KDM1B: variants seen among roughly 807,000 people sequenced by gnomAD.
KDM1B encodes the protein lysine demethylase 1B.
KDM1B carries 63 observed loss-of-function variants against 107.4 expected under a neutral mutation model. That is an observed-to-expected ratio of 0.59 (90% CI 0.48 to 0.72). The LOEUF (loss-of-function observed/expected upper bound fraction) is 0.72, where lower values mean the gene tolerates loss of function less well. KDM1B is among the 30% of genes least tolerant of loss of function. KDM1B has a pLI of 0.00. For missense variants in KDM1B, 749 were observed against 1,020.8 expected, an observed-to-expected ratio of 0.73 and a Z score of 3.63; for synonymous variants, 363 against 363.9, an observed-to-expected ratio of 1.00 and a Z score of 0.03.
At chr6:18,202,157 T>G (rs1788074414) in intron 14 of KDM1B, among the ~76,000 whole-genome samples, 1 of 151,370 alleles carries the variant, frequency 6.6e-6, no homozygotes. Flanking sequence ...TCCGAACATT[T>G]GGGAGGTCAA....
intron 7 of KDM1B, among the ~76,000 whole-genome samples, chr6:18,183,514 C>T (rs1786629961): frequency 6.6e-6 from 1 of 151,916 alleles, no homozygotes; most frequent in South Asian, 2.1e-4. Context: ...CCCACCTCGG[C>T]CTCCCAAAAT....
chr6:18,174,842 A>G (rs1348141151), intron 7 of KDM1B, among the ~76,000 whole-genome samples: 1 of 152,168 alleles, frequency 6.6e-6, no homozygotes, highest in Non-Finnish European at 1.5e-5. Context: ...ATGTGTATGT[A>G]TGTATGTACA....
At chr6:18,210,316 TTCTTTCTTTTTTTTC>T (rs1788733307) in intron 17 of KDM1B, among the ~76,000 whole-genome samples, 1 of 140,896 alleles carries the variant, frequency 7.1e-6, no homozygotes, top group African/African-American at 2.5e-5. Context: ...CCCAAGGCTT[TTCTTTCTTTTTTTTC>T]TCTTTCTTTT....
chr6:18,196,909 C>A, intron 10 of KDM1B, 148 bp from the exon 11 acceptor site: 1 of 701,052 alleles, frequency 1.4e-6, no homozygotes, highest in Non-Finnish European at 2.4e-6. Context: ...CCAGGGAGGA[C>A]TGTACCTGTT....
chr6:18,166,242 T>C (rs1785285130), intron 5 of KDM1B, 25 bp from the exon 6 acceptor site: 1 of 1,061,452 alleles, frequency 9.4e-7, no homozygotes, highest in Non-Finnish European at 1.5e-6. Context: ...TATTAATCGA[T>C]ATATTAATTT....
At chr6:18,169,770 G>A (rs1445334236) in intron 6 of KDM1B, among the ~76,000 whole-genome samples, 1 of 151,922 alleles carries the variant, frequency 6.6e-6, no homozygotes, top group African/African-American at 2.4e-5. Context: ...GAGTGCTTAC[G>A]TTTAGGTATT....
intron 10 of KDM1B, among the ~76,000 whole-genome samples, chr6:18,193,333 T>G: frequency 7.3e-6 from 1 of 137,884 alleles, no homozygotes; most frequent in Admixed American, 7.7e-5. Flanking sequence ...AGACACAGAC[T>G]TGTTCTGTTG....
rs1365564690 is a variant in KDM1B, at chr6:18,213,502, AAAG to A, written c.1984-153_1984-151del. ...CAACCAAGGAGTTCACAGGGGGAAAAAAGGAGGTGAGGAGAATGGAAAGAGCGG... is the reference window on the plus strand; with the variant it reads ...CAACCAAGGAGTTCACAGGGGGAAAAGAGGTGAGGAGAATGGAAAGAGCGG... On this transcript the variant is annotated intron_variant, in intron 18 of 21. Transcript: ENST00000650836. The surrounding 1 kb of genome is among the most constrained non-coding windows in gnomAD (Gnocchi z 5.9). Among the ~76,000 whole-genome samples the A allele has an allele frequency of 1.3e-5, 2 of 152,060 alleles. No homozygotes were observed. Among genetic ancestry groups the A allele is most frequent in the Non-Finnish European group, 2.9e-5 (2 of 68,000 alleles).
chr6:18,220,238 T>C (rs1470978735), intron 21 of KDM1B, among the ~76,000 whole-genome samples: 1 of 152,240 alleles, frequency 6.6e-6, no homozygotes, highest in Non-Finnish European at 1.5e-5. Flanking sequence ...ATCTAAAATA[T>C]AGTTACCGTT....
intron 15 of KDM1B, among the ~76,000 whole-genome samples, chr6:18,206,225 A>G (rs1788360902): frequency 6.6e-6 from 1 of 151,498 alleles, no homozygotes; most frequent in Non-Finnish European, 1.5e-5. Context: ...ACGTAAAAAC[A>G]AAGGAAGAGG....
rs1789784117 is a variant in KDM1B, at chr6:18,221,912, A to T, written c.2389A>T (p.Thr797Ser). The T allele has an allele frequency of 6.2e-7, 1 of 1,600,430 alleles. No homozygotes were observed. The highest frequency in any genetic ancestry group is 1.3e-5 in the African/African-American group (1 of 74,326). ...ATTATGTAATTATGTTTTACAGGCA[A>T]CAAACAGGCATTTCCCACAAACTGT... ...QGTVFFAGEATNRHFPQTVTG... is the reference protein window; with the variant it reads ...QGTVFFAGEASNRHFPQTVTG... Residue 797 changes from threonine to serine, a missense_variant, in exon 22 of 22, where the codon ACA becomes TCA. Physicochemically the swap from Thr to Ser is moderately conservative, Grantham distance 58 (BLOSUM62 1). Transcript: ENST00000650836.
rs77905969 is a variant in KDM1B at position 18,180,187 on chromosome 6, G to A, written c.535-5585G>A. Among the ~76,000 whole-genome samples the A allele has an allele frequency of 2.4e-3, 361 of 152,038 alleles. 2 individuals carry two copies. The highest frequency in any genetic ancestry group is 7.8e-3 in the African/African-American group (322 of 41,460). On this transcript the variant is annotated intron_variant, in intron 7 of 21. Transcript: ENST00000650836. ...AATGGGAAGGAGCTGACATGAGGGC[G>A]TGGGCAGTTCATTTCCAGGCTGCGT...
intron 7 of KDM1B, among the ~76,000 whole-genome samples, chr6:18,176,571 G>C (rs1252647494): frequency 1.3e-5 from 2 of 152,144 alleles, no homozygotes; most frequent in East Asian, 3.8e-4. Context: ...TCCCCATTCA[G>C]TATTATGTTG....
At position 18,186,304 on chromosome 6, in the gene KDM1B, C is replaced by T. The variant is rs1786847433; in HGVS notation, c.573+494C>T. ...TACTTCCAGCTGGCAAAGCTGGTCA[C>T]ATTTCCTCTGTTTTCATAAGACTTT... On this transcript the variant is annotated intron_variant, in intron 8 of 21. Transcript: ENST00000650836. This position sits in a 1 kb window ranked among gnomAD's most constrained non-coding sequence, Gnocchi z 5.6. 6.6e-6 allele frequency among the ~76,000 whole-genome samples: 1 copy of T among 152,202 alleles called. No individual in the cohort carries two copies. Among genetic ancestry groups the T allele is most frequent in the African/African-American group, 2.4e-5 (1 of 41,448 alleles).
intron 6 of KDM1B, among the ~76,000 whole-genome samples, chr6:18,166,808 T>G (rs1465669240): frequency 6.6e-6 from 1 of 150,604 alleles, no homozygotes; most frequent in East Asian, 1.9e-4. Flanking sequence ...GAGCTATGAT[T>G]ACACCACTAC....
intron 15 of KDM1B, among the ~76,000 whole-genome samples, chr6:18,206,679 C>G (rs1430969663): frequency 6.6e-6 from 1 of 152,054 alleles, no homozygotes; most frequent in Non-Finnish European, 1.5e-5. Context: ...CCTGCCTCGG[C>G]CTCCCAAAAT....
intron 21 of KDM1B, among the ~76,000 whole-genome samples, chr6:18,220,418 G>A (rs148890340): frequency 0.03 from 4,573 of 152,100 alleles, 216 homozygotes; most frequent in African/African-American, 0.1. Context: ...GCATGGTGGC[G>A]GGCGCCTGTA....
At chr6:18,198,064 T>G (rs169968) in intron 12 of KDM1B, among the ~76,000 whole-genome samples, 11,107 of 151,728 alleles carry the variant, frequency 0.073, 483 homozygotes, top group South Asian at 0.22. Flanking sequence ...GCCCAGCGAA[T>G]TTTTGTATTT....
rs1194423599 is a variant in KDM1B, at chr6:18,186,373, C to T, written c.573+563C>T. The stretch of plus-strand genomic sequence containing the variant: ...CTTCAGTGTACCATGTAACCAGATT[C>T]GGTGACTGTTTCAGAAAAGAGGTTT... On this transcript the variant is annotated intron_variant, in intron 8 of 21. Coordinates refer to ENST00000650836, the MANE Select transcript of KDM1B (RefSeq NM_001364614.2). This position sits in a 1 kb window ranked among gnomAD's most constrained non-coding sequence, Gnocchi z 5.6. Among the ~76,000 whole-genome samples, 3 of 152,152 alleles carry T rather than the reference C, an allele frequency of 2.0e-5. No homozygotes were observed. Among genetic ancestry groups the T allele is most frequent in the Non-Finnish European group, 2.9e-5 (2 of 68,028 alleles).
Sources: gnomAD v4.1 joint callset for allele counts (sites outside exome capture counted in the v4.1 genomes callset) on GRCh38, gnomAD v4.1.1 for gene constraint, Gnocchi (gnomAD v3.1) non-coding constraint, MANE v1.5 for transcripts, NCBI Gene and HGNC (gene_info 2026-07-23, HGNC 2026-07-21) for gene names.